Variants in HEATR4 observed in about 807,000 individuals in gnomAD.
HEATR4 encodes HEAT repeat containing 4.
HEATR4 carries 95 observed loss-of-function variants against 108.8 expected under a neutral mutation model. The ratio of observed to expected loss-of-function variants is 0.87; its 90% CI spans 0.74 to 1.04. The LOEUF is 1.04. Among genes scored for constraint, HEATR4 ranks in the 50% least tolerant of loss-of-function variants. The pLI, the probability that HEATR4 is intolerant of heterozygous loss-of-function variation, is 0.00. For synonymous variants in HEATR4, 443 were observed against 459.4 expected (o/e 0.96, Z 0.46); for missense variants, 1,152 against 1,253.8 (o/e 0.92, Z 1.23).
At chr14:73,583,469 T>C in the HEATR4 span, among the ~76,000 whole-genome samples, 7 of 152,054 alleles carry the variant, frequency 4.6e-5, no homozygotes, top group Non-Finnish European at 7.4e-5. Flanking sequence ...AAAAACCCTG[T>C]TATAGGTAGT....
intron 11 of HEATR4, among the ~76,000 whole-genome samples, chr14:73,501,973 C>T (rs1373154994): frequency 6.6e-6 from 1 of 151,866 alleles, no homozygotes; most frequent in Admixed American, 6.6e-5. Context: ...TCTCGATCTC[C>T]TGACCTTGTG....
At chr14:73,605,558 T>A in the HEATR4 span, among the ~76,000 whole-genome samples, 7 of 45,384 alleles carry the variant, frequency 1.5e-4, no homozygotes, top group African/African-American at 7.8e-4. Flanking sequence ...GTAAGATTCT[T>A]TTTTTTTTTT....
chr14:73,493,269 A>G, intron 16 of HEATR4, 145 bp from the exon 17 acceptor site: 2 of 638,298 alleles, frequency 3.1e-6, no homozygotes, highest in Non-Finnish European at 5.4e-6. Context: ...CAGATATTAG[A>G]TTTTTTTTGG....
the HEATR4 span, chr14:73,570,027 C>G: frequency 2.3e-6 from 3 of 1,318,408 alleles, no homozygotes; most frequent in East Asian, 7.8e-5. Flanking sequence ...TTCCTGGTCT[C>G]CAGCTATCTT....
intron 11 of HEATR4, among the ~76,000 whole-genome samples, chr14:73,501,649 T>C (rs1204814245): frequency 6.7e-6 from 1 of 149,674 alleles, no homozygotes; most frequent in African/African-American, 2.5e-5. Context: ...TGATGGCTCA[T>C]GACAGCTTTG....
chr14:73,491,434 G>C (rs553036407), intron 17 of HEATR4: 1 of 1,360,314 alleles, frequency 7.4e-7, no homozygotes, highest in Non-Finnish European at 9.4e-7. Context: ...CCGCCGCGCC[G>C]GTCCGGGTGG....
chr14:73,519,186 T>C (rs375528325), intron 4 of HEATR4, 23 bp from the exon 5 acceptor site: 3 of 1,605,414 alleles, frequency 1.9e-6, no homozygotes, highest in South Asian at 1.1e-5. Flanking sequence ...AAAGAAACAA[T>C]GAGTCCCCTA....
In HEATR4 at chr14:73,522,339, C is replaced by T; in HGVS notation, c.814G>A (p.Asp272Asn). Residue 272 changes from aspartate (D) to asparagine (N), a missense_variant, in exon 3 of 18, where the codon GAT (aspartate) becomes AAT (asparagine). Transcript: ENST00000553558. ...LEAEETAEFE[D>N]QSVILPPQEK... ...TGTGGGGGCAGGATGACACTTTGAT[C>T]CTCAAACTCTGCTGTCTCTTCTGCC... 1 of 1,614,218 alleles carries T rather than the reference C, an allele frequency of 6.2e-7. No homozygotes were observed. The highest frequency in any genetic ancestry group is 8.5e-7 in the Non-Finnish European group (1 of 1,180,034).
At chr14:73,517,945 G>A (rs957089632) in intron 5 of HEATR4, among the ~76,000 whole-genome samples, 1 of 152,146 alleles carries the variant, frequency 6.6e-6, no homozygotes, top group Non-Finnish European at 1.5e-5. Flanking sequence ...AATTAGCTGG[G>A]TGTGGTGGCG....
rs1889255355 is a variant in HEATR4, at chr14:73,547,678, A to C, written c.-152+11073T>G. On this transcript the variant is annotated intron_variant, in intron 1 of 17. Transcript: ENST00000553558. ...GGTGGGTGGATCACTTGAAGTCAGG[A>C]GTTCGAGAGCAGCCTAGCCAACATG... Among the ~76,000 whole-genome samples the C allele has an allele frequency of 1.7e-5, 2 of 115,148 alleles. 1 individual carries two copies. Among genetic ancestry groups the C allele is most frequent in the Non-Finnish European group, 3.8e-5 (2 of 52,764 alleles). The allele number at this position is 115,148 out of a possible 152,430, so 75.5% of individuals were successfully genotyped here.
the HEATR4 span, among the ~76,000 whole-genome samples, chr14:73,600,271 A>G: frequency 6.6e-6 from 1 of 152,060 alleles, no homozygotes; most frequent in South Asian, 2.1e-4. Flanking sequence ...TGTTCTCTGT[A>G]GCTTTTGGTT....
At chr14:73,608,655 T>TA in the HEATR4 span, among the ~76,000 whole-genome samples, 1,902 of 152,314 alleles carry the variant, frequency 0.012, 47 homozygotes, top group African/African-American at 0.044. Context: ...TGCTGCCTGT[T>TA]ACCCAGTTCC....
the HEATR4 span, chr14:73,582,212 T>C: frequency 1.3e-5 from 2 of 148,176 alleles, 1 homozygote; most frequent in Non-Finnish European, 3.0e-5. Flanking sequence ...ACACACAGCA[T>C]TGGTCATGAG....
At chr14:73,505,958 T>C (rs949156396) in intron 10 of HEATR4, among the ~76,000 whole-genome samples, 4 of 150,322 alleles carry the variant, frequency 2.7e-5, no homozygotes, top group Non-Finnish European at 5.9e-5. Context: ...TGGTGAGATC[T>C]TGGTTCACTG....
intron 17 of HEATR4, among the ~76,000 whole-genome samples, chr14:73,483,277 T>C (rs1885323846): frequency 6.6e-6 from 1 of 152,220 alleles, no homozygotes; most frequent in Non-Finnish European, 1.5e-5. Context: ...ATATAGACAG[T>C]CTTCTAGTCA....
At chr14:73,606,383 AC>A in the HEATR4 span, among the ~76,000 whole-genome samples, 2,653 of 88,784 alleles carry the variant, frequency 0.03, 80 homozygotes, top group African/African-American at 0.13. Context: ...ACAAAACAAA[AC>A]AAAAAAAAAA....
At chr14:73,521,803 C>G (rs2140296980) in intron 3 of HEATR4, among the ~76,000 whole-genome samples, 1 of 152,266 alleles carries the variant, frequency 6.6e-6, no homozygotes, top group South Asian at 2.1e-4. Flanking sequence ...TATGAGGTTC[C>G]TGCCTTCCTC....
At chr14:73,608,991 C>A in the HEATR4 span, among the ~76,000 whole-genome samples, 1 of 152,158 alleles carries the variant, frequency 6.6e-6, no homozygotes, top group Non-Finnish European at 1.5e-5. Context: ...AGACTAACCA[C>A]CCCCATGATT....
upstream of HEATR4, among the ~76,000 whole-genome samples, chr14:73,563,705 G>A (rs1349730703): frequency 2.6e-5 from 4 of 151,594 alleles, no homozygotes; most frequent in Admixed American, 6.6e-5. Context: ...GCTCATGCCT[G>A]TAATTCTAGC....
Sources: allele counts gnomAD v4.1 joint callset (sites outside exome capture counted in the v4.1 genomes callset), GRCh38; gene constraint gnomAD v4.1.1; transcripts MANE v1.5; gene names NCBI Gene and HGNC (gene_info 2026-07-23, HGNC 2026-07-21).